The following GPC5 variants were observed in gnomAD, a reference collection of about 807,000 sequenced individuals.
GPC5 encodes glypican 5, also known as glypican-5.
GPC5 carries 47 observed loss-of-function variants against 53.9 expected under a neutral mutation model. The ratio of observed to expected loss-of-function variants is 0.87; its 90% confidence interval spans 0.69 to 1.11. The LOEUF (loss-of-function observed/expected upper bound fraction) is 1.11, where lower values mean the gene tolerates loss of function less well. GPC5 is among the 50% of genes most tolerant of loss of function. GPC5 has a pLI of 0.00. For synonymous variants in GPC5, 286 were observed against 263.3 expected (o/e 1.09, Z -0.84); for missense variants, 748 against 713.1 (o/e 1.05, Z -0.56).
At chr13:92,814,690 A>T (rs1877408300) in intron 7 of GPC5, among the ~76,000 whole-genome samples, 1 of 151,644 alleles carries the variant, frequency 6.6e-6, no homozygotes, top group African/African-American at 2.4e-5. Context: ...AAAAAATAAA[A>T]AAATAAAAAC....
At chr13:91,573,519 TTAA>T (rs2032019746) in intron 2 of GPC5, among the ~76,000 whole-genome samples, 1 of 152,180 alleles carries the variant, frequency 6.6e-6, no homozygotes, top group Non-Finnish European at 1.5e-5. Context: ...AAAAATGTAT[TTAA>T]TGAGTCATCA....
intron 7 of GPC5, among the ~76,000 whole-genome samples, chr13:92,755,579 C>T (rs529976115): frequency 1.3e-3 from 190 of 149,398 alleles, no homozygotes; most frequent in African/African-American, 4.4e-3. Context: ...AGATAGACTG[C>T]TAGCAAGACT....
At chr13:92,463,885 G>A (rs1476882156) in intron 7 of GPC5, among the ~76,000 whole-genome samples, 1 of 152,014 alleles carries the variant, frequency 6.6e-6, no homozygotes, top group Admixed American at 6.6e-5. Context: ...CAATTTATTG[G>A]AGTTAAGAGT....
intron 5 of GPC5, among the ~76,000 whole-genome samples, chr13:91,901,016 T>A (rs1224636736): frequency 1.3e-5 from 2 of 152,142 alleles, no homozygotes; most frequent in Non-Finnish European, 2.9e-5. Context: ...TTTCTGAACA[T>A]GTTTTTATTA....
At chr13:91,436,853 G>T (rs9740502) in intron 1 of GPC5, among the ~76,000 whole-genome samples, 18,164 of 151,986 alleles carry the variant, frequency 0.12, 1,921 homozygotes, top group African/African-American at 0.29. Context: ...AGTACTTGCT[G>T]TATGAATCTG....
chr13:91,709,885 A>G (rs887008122), intron 3 of GPC5, among the ~76,000 whole-genome samples: 3 of 152,192 alleles, frequency 2.0e-5, no homozygotes, highest in Non-Finnish European at 4.4e-5. Flanking sequence ...TTTTGCCTGT[A>G]GCTTGGCCTT....
At chr13:91,573,043 T>C (rs1352514313) in intron 2 of GPC5, among the ~76,000 whole-genome samples, 1 of 152,182 alleles carries the variant, frequency 6.6e-6, no homozygotes, top group East Asian at 1.9e-4. Context: ...AGTTGAACAA[T>C]GGCCCCTGTT....
In GPC5 at chr13:92,386,780, CCAGT is replaced by C. The variant is rs1874747688; in HGVS notation, c.1561+241792_1561+241795del. On this transcript the variant is annotated intron_variant, in intron 7 of 7. Coordinates refer to ENST00000377067, the MANE Select transcript of GPC5 (RefSeq NM_004466.6). ...GTATTTATTATTACTATATATCTCTCCAGTTAGTTTCCATTTTTACTTCTAATCC... is the reference window on the plus strand; with the variant it reads ...GTATTTATTATTACTATATATCTCTCTAGTTTCCATTTTTACTTCTAATCC... Among the ~76,000 whole-genome samples, 3 of 151,928 alleles carry C rather than the reference CCAGT, an allele frequency of 2.0e-5. No homozygotes were observed. In the South Asian group the frequency reaches 6.2e-4, roughly 31 times the overall value.
intron 7 of GPC5, among the ~76,000 whole-genome samples, chr13:92,791,256 T>C (rs1876450205): frequency 6.6e-6 from 1 of 152,100 alleles, no homozygotes; most frequent in Non-Finnish European, 1.5e-5. Context: ...AATTTTTGTA[T>C]CAATGTCAAC....
chr13:91,458,511 A>G (rs961157984), intron 2 of GPC5, among the ~76,000 whole-genome samples: 4 of 152,154 alleles, frequency 2.6e-5, no homozygotes, highest in African/African-American at 9.7e-5. Context: ...CATGCTCAAC[A>G]TCACGAATTA....
At chr13:91,721,002 CT>C (rs1254554233) in intron 3 of GPC5, among the ~76,000 whole-genome samples, 1 of 152,230 alleles carries the variant, frequency 6.6e-6, no homozygotes, top group Non-Finnish European at 1.5e-5. Context: ...CTGAAACACA[CT>C]CAAAACTTCA....
At chr13:91,450,538 AC>A (rs1881110136) in intron 2 of GPC5, among the ~76,000 whole-genome samples, 3 of 152,142 alleles carry the variant, frequency 2.0e-5, no homozygotes. Flanking sequence ...GAATATTTAG[AC>A]TTTTAAGATG....
At chr13:91,638,423 C>T (rs7318645) in intron 2 of GPC5, among the ~76,000 whole-genome samples, 3,787 of 151,394 alleles carry the variant, frequency 0.025, 148 homozygotes, top group African/African-American at 0.086. Flanking sequence ...TGGAGTGCAA[C>T]GGTGTGACCT....
intron 7 of GPC5, among the ~76,000 whole-genome samples, chr13:92,248,384 G>A (rs1336061740): frequency 6.6e-6 from 1 of 152,048 alleles, no homozygotes; most frequent in East Asian, 1.9e-4. Context: ...TAAGAACCTA[G>A]CCACAGGAGT....
intron 7 of GPC5, among the ~76,000 whole-genome samples, chr13:92,153,633 G>A (rs1252104175): frequency 6.6e-6 from 1 of 152,140 alleles, no homozygotes; most frequent in Non-Finnish European, 1.5e-5. Flanking sequence ...CTTAGAAGTA[G>A]CAGGGCAGTG....
rs898093592 is a variant in GPC5, at chr13:91,804,632, C to G, written c.1280+48212C>G. Among the ~76,000 whole-genome samples the G allele has an allele frequency of 6.6e-5, 10 of 152,116 alleles. 1 individual carries two copies. The highest frequency in any genetic ancestry group is 2.2e-4 in the African/African-American group (9 of 41,432). ...GATGAATTATTCTTTTTTATTTGCT[C>G]ATTTCCTGATAATTCTCGCTAATTT... On this transcript the variant is annotated intron_variant, in intron 5 of 7. Coordinates refer to ENST00000377067, the MANE Select transcript of GPC5 (RefSeq NM_004466.6).
chr13:92,815,868 G>A (rs1391193022), intron 7 of GPC5, among the ~76,000 whole-genome samples: 1 of 151,980 alleles, frequency 6.6e-6, no homozygotes, highest in Non-Finnish European at 1.5e-5. Flanking sequence ...TTTCTGAAAT[G>A]AGAACATAGG....
chr13:91,583,509 C>G (rs1340521228), intron 2 of GPC5, among the ~76,000 whole-genome samples: 1 of 152,040 alleles, frequency 6.6e-6, no homozygotes, highest in Non-Finnish European at 1.5e-5. Flanking sequence ...AATGTTATAC[C>G]TAGTACTGAT....
intron 7 of GPC5, among the ~76,000 whole-genome samples, chr13:92,641,381 A>G (rs1885589920): frequency 6.6e-6 from 1 of 152,178 alleles, no homozygotes; most frequent in African/African-American, 2.4e-5. Context: ...TACTAGCCTG[A>G]ATTTTTCAAA....
Sources: gnomAD v4.1 joint callset for allele counts (sites outside exome capture counted in the v4.1 genomes callset) on GRCh38, gnomAD v4.1.1 for gene constraint, MANE v1.5 for transcripts, NCBI Gene and HGNC (gene_info 2026-07-23, HGNC 2026-07-21) for gene names.